The following AMBRA1 variants were observed in gnomAD, a reference collection of about 807,000 sequenced individuals.
AMBRA1 encodes the protein activating molecule in BECN1-regulated autophagy protein 1.
Under a neutral mutation model 125.4 loss-of-function variants are expected in AMBRA1, and 47 were observed. The ratio of observed to expected loss-of-function variants is 0.37; its 90% CI spans 0.30 to 0.48. The LOEUF is 0.48. AMBRA1 is among the 20% of genes least tolerant of loss of function. The pLI is 0.99. For missense variants in AMBRA1, 1,331 were observed against 1,693.4 expected (o/e 0.79, Z 3.76); for synonymous variants, 626 against 655.5 (o/e 0.95, Z 0.69).
intron 1 of AMBRA1, among the ~76,000 whole-genome samples, chr11:46,578,886 A>G (rs2044066616): frequency 6.8e-6 from 1 of 146,294 alleles, no homozygotes; most frequent in Non-Finnish European, 1.5e-5. Flanking sequence ...CAGTCTCAAA[A>G]AAAAAAAAAA....
chr11:46,592,750 T>C (rs567155822), intron 1 of AMBRA1, among the ~76,000 whole-genome samples: 45 of 151,136 alleles, frequency 3.0e-4, no homozygotes, highest in African/African-American at 1.1e-3. Context: ...AGAGCTAGCC[T>C]GTCTTAAAAA....
In AMBRA1 at chr11:46,396,673, A is replaced by AG. The variant is rs1482987675; in HGVS notation, c.*776dup. On this transcript the variant is annotated 3_prime_UTR_variant, in exon 18 of 18. Transcript: ENST00000683756. ...GACCTGGAGTCTCCTCCCCTTCCCC[A>AG]GCCTTGGGCTAGCTTTGGCCTAGGC... 2 of 152,698 alleles carry AG rather than the reference A, an allele frequency of 1.3e-5. No homozygotes were observed. Among genetic ancestry groups the AG allele is most frequent in the Admixed American group, 1.3e-4 (2 of 15,282 alleles). The allele number at this position is 152,698 out of a possible 1,614,324, so 9.5% of individuals were successfully genotyped here. A position where few individuals can be genotyped will look rare whatever the true frequency, so the allele number is the denominator to read the frequency against.
intron 7 of AMBRA1, among the ~76,000 whole-genome samples, chr11:46,533,887 G>A (rs759421797): frequency 6.6e-6 from 1 of 151,752 alleles, no homozygotes; most frequent in African/African-American, 2.4e-5. Flanking sequence ...ATCCCTTGCT[G>A]TGCTCCAGCT....
chr11:46,421,957 T>C (rs770806536), intron 14 of AMBRA1, among the ~76,000 whole-genome samples: 1 of 152,130 alleles, frequency 6.6e-6, no homozygotes, highest in South Asian at 2.1e-4. Context: ...CCTAAAAACA[T>C]CTCAAGTAAA....
chr11:46,503,418 C>T (rs1179027358), intron 9 of AMBRA1, among the ~76,000 whole-genome samples: 1 of 152,018 alleles, frequency 6.6e-6, no homozygotes, highest in Non-Finnish European at 1.5e-5. Context: ...GTTCACAGTG[C>T]CCCAAAACAA....
At chr11:46,476,893 AG>A (rs1189987736) in intron 11 of AMBRA1, among the ~76,000 whole-genome samples, 1 of 152,094 alleles carries the variant, frequency 6.6e-6, no homozygotes, top group Non-Finnish European at 1.5e-5. Context: ...TGGGTGGATC[AG>A]CCAGGAGTTC....
chr11:46,556,349 G>A (rs2043156141), intron 1 of AMBRA1, among the ~76,000 whole-genome samples: 1 of 152,046 alleles, frequency 6.6e-6, no homozygotes, highest in African/African-American at 2.4e-5. Context: ...AATTTACAGG[G>A]GTACAGAGAA....
intron 7 of AMBRA1, among the ~76,000 whole-genome samples, chr11:46,531,259 T>C (rs1281238515): frequency 1.3e-5 from 2 of 152,232 alleles, no homozygotes; most frequent in African/African-American, 4.8e-5. Context: ...CAACAGAGAC[T>C]GTACAGCCTC....
intron 11 of AMBRA1, among the ~76,000 whole-genome samples, chr11:46,446,478 C>T (rs1365337164): frequency 6.6e-6 from 1 of 152,168 alleles, no homozygotes; most frequent in Non-Finnish European, 1.5e-5. Flanking sequence ...TGAGAGACTG[C>T]TAAGGGATTT....
intron 5 of AMBRA1, among the ~76,000 whole-genome samples, chr11:46,545,143 T>TA (rs1202803135): frequency 0.018 from 541 of 29,954 alleles, 11 homozygotes; most frequent in African/African-American, 0.042. Context: ...CCTGTCTCCT[T>TA]AAAAAAAAAA....
intron 14 of AMBRA1, among the ~76,000 whole-genome samples, chr11:46,421,272 T>C (rs1946838313): frequency 1.3e-5 from 2 of 152,330 alleles, no homozygotes; most frequent in South Asian, 4.1e-4. Context: ...CAATCTGTCC[T>C]CCAGCTATGG....
chr11:46,498,709 G>C (rs1950727439), intron 9 of AMBRA1, among the ~76,000 whole-genome samples: 1 of 152,176 alleles, frequency 6.6e-6, no homozygotes, highest in South Asian at 2.1e-4. Flanking sequence ...CAGTCAGGTT[G>C]TCATTGCTCC....
intron 12 of AMBRA1, among the ~76,000 whole-genome samples, chr11:46,439,848 T>C (rs116926294): frequency 4.1e-4 from 62 of 151,950 alleles, no homozygotes; most frequent in Non-Finnish European, 5.7e-4. Context: ...AATGGCTGTG[T>C]ATATGAAGAG....
intron 8 of AMBRA1, among the ~76,000 whole-genome samples, chr11:46,511,079 AT>A (rs1216921328): frequency 4.0e-5 from 6 of 151,840 alleles, no homozygotes; most frequent in African/African-American, 1.2e-4. Flanking sequence ...TAAATAACAG[AT>A]TTATTATATA....
chr11:46,562,652 C>T (rs915705831), intron 1 of AMBRA1, among the ~76,000 whole-genome samples: 2 of 151,974 alleles, frequency 1.3e-5, no homozygotes, highest in South Asian at 2.1e-4. Context: ...GTTATGTTTG[C>T]GGGTGGGGGA....
intron 1 of AMBRA1, among the ~76,000 whole-genome samples, chr11:46,565,155 G>C (rs1297704789): frequency 6.6e-6 from 1 of 152,000 alleles, no homozygotes; most frequent in African/African-American, 2.4e-5. Flanking sequence ...TACTCAGGAG[G>C]CTGAGGTGGG....
At chr11:46,475,828 G>T (rs1040735433) in intron 11 of AMBRA1, among the ~76,000 whole-genome samples, 1 of 152,196 alleles carries the variant, frequency 6.6e-6, no homozygotes, top group Non-Finnish European at 1.5e-5. Context: ...GGTGGAACAG[G>T]AAACTGTGGC....
intron 11 of AMBRA1, among the ~76,000 whole-genome samples, chr11:46,454,793 G>A (rs1473263590): frequency 6.7e-6 from 1 of 150,316 alleles, no homozygotes; most frequent in Non-Finnish European, 1.5e-5. Context: ...AAATTAACCT[G>A]ATATTCATTA....
chr11:46,521,108 C>A (rs1951741460), intron 7 of AMBRA1, among the ~76,000 whole-genome samples: 1 of 152,182 alleles, frequency 6.6e-6, no homozygotes, highest in Non-Finnish European at 1.5e-5. Flanking sequence ...GAAGAATAAG[C>A]AAGAAGACCT....
Sources: allele counts gnomAD v4.1 joint callset (sites outside exome capture counted in the v4.1 genomes callset), GRCh38; gene constraint gnomAD v4.1.1; transcripts MANE v1.5; gene names NCBI Gene and HGNC (gene_info 2026-07-23, HGNC 2026-07-21).